The following SMCO4 variants were observed in gnomAD, a reference collection of about 807,000 sequenced individuals.
SMCO4 encodes the protein single-pass membrane protein with coiled-coil domains 4.
Under a neutral mutation model 3.6 loss-of-function variants are expected in SMCO4, and 4 were observed. The observed-to-expected ratio is 1.11, with a 90% CI of 0.54 to 2.53. SMCO4 has a LOEUF of 2.53. Among genes scored for constraint, SMCO4 ranks in the 30% most tolerant of loss-of-function variants. The pLI is 0.02. For missense variants in SMCO4, 70 were observed against 80.8 expected, an observed-to-expected ratio of 0.87 and a Z score of 0.51; for synonymous variants, 36 against 35.3, an observed-to-expected ratio of 1.02 and a Z score of -0.07.
At chr11:93,545,507 GA>G (rs201378614), upstream of SMCO4, among the ~76,000 whole-genome samples, 2,063 of 140,250 alleles carry the variant, frequency 0.015, 52 homozygotes, top group African/African-American at 0.051. Flanking sequence ...AGAATCACCT[GA>G]ACCCAGAAGG....
chr11:93,527,009 C>T (rs1949114356), intron 1 of SMCO4, among the ~76,000 whole-genome samples: 1 of 152,196 alleles, frequency 6.6e-6, no homozygotes, highest in Non-Finnish European at 1.5e-5. Flanking sequence ...CCTCTCAGTA[C>T]AGCAGCCCAC....
At chr11:93,514,915 CTCAAAGAGACAACA>C (rs1948995623) in intron 1 of SMCO4, among the ~76,000 whole-genome samples, 1 of 152,140 alleles carries the variant, frequency 6.6e-6, no homozygotes, top group Non-Finnish European at 1.5e-5. Context: ...AAGATTGAGG[CTCAAAGAGACAACA>C]TAGTTAGATA....
chr11:93,552,598 A>T, the SMCO4 span, among the ~76,000 whole-genome samples: 5 of 151,624 alleles, frequency 3.3e-5, no homozygotes, highest in African/African-American at 1.2e-4. Context: ...CAGCCTCCTG[A>T]GTAGCTGGGA....
In SMCO4 at chr11:93,487,797, G is replaced by GT. The variant is rs551644209; in HGVS notation, c.-80-8529dup. 2.2e-4 allele frequency among the ~76,000 whole-genome samples: 34 copies of GT among 152,342 alleles called. 1 individual carries two copies. The highest frequency in any genetic ancestry group is 2.0e-3 in the Admixed American group (31 of 15,308). On this transcript the variant is annotated intron_variant, in intron 2 of 2. Transcript: ENST00000298966. ...CACGGTAAATTAAGTGCATGTCAGG[G>GT]TTTCAGTCCCATCCTGGCAATTCTA...
intron 2 of SMCO4, among the ~76,000 whole-genome samples, chr11:93,485,182 T>G (rs1320403960): frequency 3.3e-5 from 5 of 152,234 alleles, no homozygotes. Flanking sequence ...GGCATTATAC[T>G]TTTACCGGAC....
chr11:93,481,814 G>A (rs550396652), intron 2 of SMCO4, among the ~76,000 whole-genome samples: 3 of 152,316 alleles, frequency 2.0e-5, no homozygotes, highest in Admixed American at 1.3e-4. Flanking sequence ...ATGGCCTGTC[G>A]GAGCCCGCTG....
At chr11:93,552,442 G>GTTATTATTATTA in the SMCO4 span, among the ~76,000 whole-genome samples, 640 of 130,228 alleles carry the variant, frequency 4.9e-3, 3 homozygotes, top group South Asian at 8.3e-3. Context: ...GCCCAGCCAC[G>GTTATTATTATTA]TTATTATTAT....
chr11:93,535,935 G>A, intron 1 of SMCO4: 1 of 1,505,234 alleles, frequency 6.6e-7, no homozygotes, highest in Non-Finnish European at 9.0e-7. Context: ...ATAAGATTAG[G>A]GTCTTTTTGG....
At chr11:93,540,871 AC>A (rs1949265810) in intron 1 of SMCO4, among the ~76,000 whole-genome samples, 2 of 152,246 alleles carry the variant, frequency 1.3e-5, no homozygotes. Context: ...CATTTTTAAC[AC>A]TACCTCATCT....
At chr11:93,495,873 G>A (rs1355019480) in intron 2 of SMCO4, among the ~76,000 whole-genome samples, 1 of 152,188 alleles carries the variant, frequency 6.6e-6, no homozygotes, top group Non-Finnish European at 1.5e-5. Context: ...GTACACCTTT[G>A]AGAGCCTGAG....
intron 1 of SMCO4, among the ~76,000 whole-genome samples, chr11:93,534,672 C>G (rs912511395): frequency 1.3e-5 from 2 of 152,106 alleles, no homozygotes; most frequent in African/African-American, 4.8e-5. Flanking sequence ...CCCAAGGGTT[C>G]CCCCTCCACC....
intron 2 of SMCO4, among the ~76,000 whole-genome samples, chr11:93,491,896 C>T (rs899967087): frequency 1.3e-5 from 2 of 152,178 alleles, no homozygotes; most frequent in Admixed American, 1.3e-4. Context: ...GTAACACAGC[C>T]CTCATGTTCT....
In SMCO4 at chr11:93,504,354, G is replaced by A. The variant is rs555655319; in HGVS notation, c.-153-5006C>T. Reference sequence around the variant, plus strand: ...TTTCAGACTCTGGCAGGAAGATGATGTGGCTGAAGAAGTTTCAGGCTTCTT... The same window carrying A: ...TTTCAGACTCTGGCAGGAAGATGATATGGCTGAAGAAGTTTCAGGCTTCTT... On this transcript the variant is annotated intron_variant, in intron 1 of 2. Transcript: ENST00000298966. Among the ~76,000 whole-genome samples the A allele has an allele frequency of 9.8e-5, 15 of 152,326 alleles. 1 individual carries two copies. The East Asian group carries it at 2.9e-3, about 29-fold the overall frequency.
At chr11:93,492,211 G>A (rs1186772791) in intron 2 of SMCO4, among the ~76,000 whole-genome samples, 1 of 152,152 alleles carries the variant, frequency 6.6e-6, no homozygotes. Context: ...CACCAGTGTT[G>A]GCAACTAACC....
the SMCO4 span, among the ~76,000 whole-genome samples, chr11:93,551,860 G>GAAAATGGT: frequency 6.6e-6 from 1 of 152,288 alleles, no homozygotes; most frequent in Admixed American, 6.5e-5. Flanking sequence ...GAGATGGAAA[G>GAAAATGGT]AAAATGGTAT....
At chr11:93,553,083 A>G in the SMCO4 span, among the ~76,000 whole-genome samples, 1 of 152,216 alleles carries the variant, frequency 6.6e-6, no homozygotes, top group Non-Finnish European at 1.5e-5. Context: ...CTTCTGCTAC[A>G]AAAAGCCTCT....
chr11:93,513,449 G>A (rs983765737), intron 1 of SMCO4, among the ~76,000 whole-genome samples: 3 of 152,230 alleles, frequency 2.0e-5, no homozygotes, highest in Non-Finnish European at 2.9e-5. Context: ...ATTTCAGAAT[G>A]AGGTAACATA....
At chr11:93,541,253 T>C (rs1291282827) in intron 1 of SMCO4, among the ~76,000 whole-genome samples, 3 of 152,178 alleles carry the variant, frequency 2.0e-5, no homozygotes, top group Non-Finnish European at 4.4e-5. Context: ...CCAGGGGGTC[T>C]AGGGGACAGG....
rs144003861 is a variant in SMCO4, at chr11:93,482,942, T to C, written c.-80-3673A>G. ...AATAATAAGCGAAACTAGAGAATGA[T>C]GTTTGAGGGGTCTAATAGAATGGGA... On this transcript the variant is annotated intron_variant, in intron 2 of 2. Coordinates refer to ENST00000298966, the MANE Select transcript of SMCO4 (RefSeq NM_020179.3). Among the ~76,000 whole-genome samples, 126 of 152,248 alleles carry C rather than the reference T, an allele frequency of 8.3e-4. 2 individuals are homozygous for C. The East Asian group carries it at 0.018, about 22-fold the overall frequency.
Sources: allele counts gnomAD v4.1 joint callset (sites outside exome capture counted in the v4.1 genomes callset), GRCh38; gene constraint gnomAD v4.1.1; transcripts MANE v1.5; gene names NCBI Gene and HGNC (gene_info 2026-07-23, HGNC 2026-07-21).